The following ENTHD1 variants were observed in gnomAD, a reference collection of about 807,000 sequenced individuals.
The protein encoded by ENTHD1 is ENTH domain-containing protein 1.
ENTHD1 carries 23 observed loss-of-function variants against 39.1 expected under a neutral mutation model. The observed-to-expected ratio is 0.59, with a 90% confidence interval of 0.42 to 0.83. ENTHD1 has a LOEUF of 0.83. Among genes scored for constraint, ENTHD1 ranks in the 40% least tolerant of loss-of-function variants. The probability of loss-of-function intolerance (pLI) is 0.00; values close to 1 mark genes in which losing one functional copy is unlikely to be tolerated. For missense variants in ENTHD1, 624 were observed against 705.4 expected (o/e 0.88, Z 1.31); for synonymous variants, 230 against 258.2 (o/e 0.89, Z 1.05).
intron 1 of ENTHD1, among the ~76,000 whole-genome samples, chr22:39,890,229 A>G (rs1480740781): frequency 1.3e-5 from 2 of 152,020 alleles, no homozygotes; most frequent in Non-Finnish European, 2.9e-5. Flanking sequence ...GAAAAAGAGA[A>G]GTTGTGTTTC....
chr22:39,890,283 A>G (rs1312816043), intron 1 of ENTHD1, among the ~76,000 whole-genome samples: 4 of 151,924 alleles, frequency 2.6e-5, no homozygotes. Context: ...AAACACAGTC[A>G]TTTTTATTTG....
At chr22:39,823,033 C>G (rs948884983) in intron 4 of ENTHD1, among the ~76,000 whole-genome samples, 3 of 152,208 alleles carry the variant, frequency 2.0e-5, no homozygotes, top group African/African-American at 7.2e-5. Flanking sequence ...CATAGACATA[C>G]ACTCCCTCAA....
intron 5 of ENTHD1, among the ~76,000 whole-genome samples, chr22:39,766,741 T>G (rs1258844030): frequency 6.6e-6 from 1 of 152,194 alleles, no homozygotes; most frequent in Non-Finnish European, 1.5e-5. Flanking sequence ...AAAGAAACTT[T>G]TCTTTGTCTC....
intron 2 of ENTHD1, among the ~76,000 whole-genome samples, chr22:39,885,531 T>C (rs998964394): frequency 6.6e-6 from 1 of 152,172 alleles, no homozygotes; most frequent in Non-Finnish European, 1.5e-5. Context: ...AAGCCAGAAC[T>C]TGATACTTAC....
At chr22:39,790,892 C>T (rs948163787) in intron 5 of ENTHD1, among the ~76,000 whole-genome samples, 2 of 152,160 alleles carry the variant, frequency 1.3e-5, no homozygotes, top group Non-Finnish European at 2.9e-5. Context: ...AATCTCATCA[C>T]CTACCTCCTC....
Position 39,857,302 on chromosome 22 carries a change from C to T in ENTHD1, c.592+4463G>A, listed in dbSNP as rs149774223. Among the ~76,000 whole-genome samples, 366 of 151,748 alleles carry T rather than the reference C, an allele frequency of 2.4e-3. 4 individuals carry two copies. The highest frequency in any genetic ancestry group is 8.4e-3 in the African/African-American group (347 of 41,356). ...TACTTAAAATACAAAATTAGCCAGG[C>T]GTGATGGCGTATGCCTGTAATCCCA... is the stretch of plus-strand genomic sequence containing the variant. On this transcript the variant is annotated intron_variant, in intron 3 of 6. Transcript: ENST00000325157.
intron 5 of ENTHD1, among the ~76,000 whole-genome samples, chr22:39,766,562 T>C (rs1013485906): frequency 1.3e-5 from 2 of 152,080 alleles, no homozygotes; most frequent in African/African-American, 4.8e-5. Flanking sequence ...CATGATGAGG[T>C]AGAAGAGGGC....
intron 3 of ENTHD1, among the ~76,000 whole-genome samples, chr22:39,846,258 T>C (rs1034989078): frequency 6.6e-6 from 1 of 152,176 alleles, no homozygotes; most frequent in African/African-American, 2.4e-5. Context: ...TAGAGTGCAG[T>C]GGCGTGATCA....
At chr22:39,820,074 C>G (rs1366239011) in intron 5 of ENTHD1, among the ~76,000 whole-genome samples, 2 of 152,160 alleles carry the variant, frequency 1.3e-5, no homozygotes, top group Non-Finnish European at 2.9e-5. Context: ...CCCCCAATTT[C>G]TTGTTTTTGT....
At position 39,743,990 on chromosome 22, in the gene ENTHD1, T is replaced by C. The variant is rs762736817; in HGVS notation, c.1513A>G (p.Ile505Val). ...CAGTGACTACTAGAAATGTGACTTA[T>C]ATTCTTTTTAGCAGAATCAGAGTTA... Reference protein sequence around the residue: ...PNNSDSAKKNISHISSSHWGE... With the variant: ...PNNSDSAKKNVSHISSSHWGE... Residue 505 changes from isoleucine (I) to valine (V), a missense_variant, in exon 7 of 7, where the codon ATA (isoleucine) becomes GTA (valine). Physicochemically the swap from Ile to Val is conservative, Grantham distance 29. Transcript: ENST00000325157. 6.2e-7 allele frequency: 1 copy of C among 1,614,212 alleles called. No homozygotes were observed. Among genetic ancestry groups the C allele is most frequent in the Non-Finnish European group, 8.5e-7 (1 of 1,180,014 alleles).
At chr22:39,770,785 GTACCCATGA>G (rs537565839) in intron 5 of ENTHD1, among the ~76,000 whole-genome samples, 77 of 152,278 alleles carry the variant, frequency 5.1e-4, no homozygotes, top group South Asian at 1.0e-3. Context: ...TAATTTGCCT[GTACCCATGA>G]TATCCTTGGA....
At chr22:39,771,359 C>T (rs1442966097) in intron 5 of ENTHD1, among the ~76,000 whole-genome samples, 1 of 152,082 alleles carries the variant, frequency 6.6e-6, no homozygotes, top group South Asian at 2.1e-4. Flanking sequence ...TGAATCCAGC[C>T]AGCTCTACAG....
At chr22:39,781,521 A>G (rs1338487296) in intron 5 of ENTHD1, among the ~76,000 whole-genome samples, 1 of 152,148 alleles carries the variant, frequency 6.6e-6, no homozygotes, top group African/African-American at 2.4e-5. Flanking sequence ...AGTGCTAAGA[A>G]GGAAGTCTAT....
At position 39,765,345 on chromosome 22, in the gene ENTHD1, C is replaced by G; in HGVS notation, c.1097G>C (p.Cys366Ser). The change falls in exon 6 of 7, where the codon TGT becomes TCT. Residue 366 changes from cysteine to serine, a missense_variant. Transcript: ENST00000325157. ...AAATATTTTGAATGAGGGAGAGAGA[C>G]AGAGTGTTTCTACAGAGGCCTGGTT... Reference protein sequence around the residue: ...FHNQASVETLCLSPSFKIFDR... With the variant: ...FHNQASVETLSLSPSFKIFDR... 1.2e-6 allele frequency: 2 copies of G among 1,613,928 alleles called. No individual in the cohort carries two copies. Among genetic ancestry groups the G allele is most frequent in the Non-Finnish European group, 1.7e-6 (2 of 1,179,946 alleles).
At chr22:39,787,573 TG>T (rs1232095291) in intron 5 of ENTHD1, among the ~76,000 whole-genome samples, 1 of 152,158 alleles carries the variant, frequency 6.6e-6, no homozygotes, top group East Asian at 1.9e-4. Flanking sequence ...GCCTTATTGT[TG>T]ATATGGAAAA....
chr22:39,803,463 TTTTG>T lies in ENTHD1; in HGVS notation c.832+17526_832+17529del, dbSNP rs1367511562. Among the ~76,000 whole-genome samples the T allele has an allele frequency of 3.3e-5, 5 of 152,290 alleles. No homozygotes were observed. In the East Asian group the frequency reaches 9.6e-4, roughly 29 times the overall value. ...TAGCACATGTTACAATCTATAATTG[TTTTG>T]TTTATTATCTATCTTCACCAGAACA... On this transcript the variant is annotated intron_variant, in intron 5 of 6. Transcript: ENST00000325157.
At chr22:39,883,020 A>G (rs978086667) in intron 2 of ENTHD1, among the ~76,000 whole-genome samples, 7 of 151,242 alleles carry the variant, frequency 4.6e-5, no homozygotes, top group East Asian at 1.9e-4. Context: ...AAAAAAAAAA[A>G]AAAAGAAAGA....
chr22:39,783,670 G>A (rs2065430379), intron 5 of ENTHD1, among the ~76,000 whole-genome samples: 1 of 152,204 alleles, frequency 6.6e-6, no homozygotes, highest in African/African-American at 2.4e-5. Context: ...TCTCCAATAA[G>A]TGGTGCTGGG....
At chr22:39,784,230 C>T (rs2065435647) in intron 5 of ENTHD1, among the ~76,000 whole-genome samples, 1 of 151,892 alleles carries the variant, frequency 6.6e-6, no homozygotes, top group Admixed American at 6.6e-5. Context: ...GGCTGTTATC[C>T]AAAGACGGGC....
Sources: allele counts gnomAD v4.1 joint callset (sites outside exome capture counted in the v4.1 genomes callset), GRCh38; gene constraint gnomAD v4.1.1; transcripts MANE v1.5; gene names NCBI Gene and HGNC (gene_info 2026-07-23, HGNC 2026-07-21).